Variants in HNF1B observed in about 807,000 individuals in gnomAD.
The protein encoded by HNF1B is HNF1 homeobox B.
HNF1B carries 8 observed loss-of-function variants against 61.7 expected under a neutral mutation model. The ratio of observed to expected loss-of-function variants is 0.13; its 90% confidence interval spans 0.08 to 0.23. HNF1B has a LOEUF of 0.23. Among genes scored for constraint, HNF1B ranks in the 10% least tolerant of loss-of-function variants. The probability of loss-of-function intolerance (pLI) is 1.00; values close to 1 mark genes in which losing one functional copy is unlikely to be tolerated. For synonymous variants in HNF1B, 314 were observed against 287.7 expected (o/e 1.09, Z -0.93); for missense variants, 562 against 714.5 (o/e 0.79, Z 2.43).
chr17:37,703,090 G>A (rs1349743571), intron 6 of HNF1B, among the ~76,000 whole-genome samples: 2 of 152,200 alleles, frequency 1.3e-5, no homozygotes, highest in Non-Finnish European at 2.9e-5. Context: ...CTGAGGCAGG[G>A]CCCATGGTAC....
intron 8 of HNF1B, among the ~76,000 whole-genome samples, chr17:37,698,467 C>A (rs2032458012): frequency 1.3e-5 from 2 of 152,174 alleles, no homozygotes; most frequent in Admixed American, 1.3e-4. Context: ...CTGGATTCCC[C>A]ACTTTCAGTG....
Position 37,744,467 on chromosome 17 carries a change from C to G in HNF1B, c.344+74G>C, listed in dbSNP as rs928757322. The stretch of plus-strand genomic sequence containing the variant: ...AACGGGCTTGGCGAGTGTGGTCGGG[C>G]GCAGTGTCACTCAGGCCCGGGGCCG... On this transcript the variant is annotated intron_variant, in intron 1 of 8. Coordinates refer to ENST00000617811, the MANE Select transcript of HNF1B (RefSeq NM_000458.4). 6 of 1,468,276 alleles carry G rather than the reference C, an allele frequency of 4.1e-6. No homozygotes were observed. The Admixed American group carries it at 8.4e-5, about 21-fold the overall frequency. The allele number at this position is 1,468,276 out of a possible 1,614,324, so 91.0% of individuals were successfully genotyped here. A position where few individuals can be genotyped will look rare whatever the true frequency, so the allele number is the denominator to read the frequency against.
intron 1 of HNF1B, among the ~76,000 whole-genome samples, chr17:37,741,087 C>T (rs2033978323): frequency 6.6e-6 from 1 of 150,710 alleles, no homozygotes; most frequent in Non-Finnish European, 1.5e-5. Flanking sequence ...CTTGATAGAA[C>T]AAGAAAAAAA....
At chr17:37,708,756 TAGG>T (rs1448996263) in intron 5 of HNF1B, among the ~76,000 whole-genome samples, 2 of 151,990 alleles carry the variant, frequency 1.3e-5, no homozygotes, top group East Asian at 3.9e-4. Flanking sequence ...TAGGTGGGAG[TAGG>T]AGAAGAGGGC....
Position 37,686,872 on chromosome 17 carries a change from T to G in HNF1B, c.*500A>C. On this transcript the variant is annotated 3_prime_UTR_variant, in exon 9 of 9. Transcript: ENST00000617811. Reference sequence around the variant, plus strand: ...GGAAATTGCACTTAATTACAGTAGTTTATAGTTTACAGCCATTGGACAAAT... The same window carrying G: ...GGAAATTGCACTTAATTACAGTAGTGTATAGTTTACAGCCATTGGACAAAT... 2 of 291,294 alleles carry G rather than the reference T, an allele frequency of 6.9e-6. No homozygotes were observed. The highest frequency in any genetic ancestry group is 8.3e-5 in the East Asian group (1 of 12,000). The allele number at this position is 291,294 out of a possible 1,614,324, so 18.0% of individuals were successfully genotyped here.
chr17:37,709,075 C>T (rs2032847898), intron 5 of HNF1B, among the ~76,000 whole-genome samples: 1 of 152,082 alleles, frequency 6.6e-6, no homozygotes, highest in South Asian at 2.1e-4. Context: ...GAATCTGCGG[C>T]TCCTCCCTCC....
intron 1 of HNF1B, among the ~76,000 whole-genome samples, chr17:37,743,881 G>C (rs11658063): frequency 0.37 from 56,568 of 152,166 alleles, 10,772 homozygotes; most frequent in Non-Finnish European, 0.39. Flanking sequence ...CACCGCGCTT[G>C]GTTTCTTTGG....
intron 4 of HNF1B, among the ~76,000 whole-genome samples, chr17:37,712,368 C>A (rs1218372927): frequency 1.3e-5 from 2 of 152,028 alleles, no homozygotes; most frequent in Non-Finnish European, 2.9e-5. Flanking sequence ...TGCCCAGGCC[C>A]CTGTCCTCCT....
intron 4 of HNF1B, chr17:37,720,833 G>C (rs538263961): frequency 8.1e-6 from 8 of 985,146 alleles, no homozygotes; most frequent in Admixed American, 1.2e-4. Context: ...TCTTCTTCAC[G>C]GTGAGATTGA....
chr17:37,735,648 C>G (rs570220361), intron 2 of HNF1B, among the ~76,000 whole-genome samples: 3 of 152,294 alleles, frequency 2.0e-5, no homozygotes, highest in Middle Eastern at 3.4e-3. Flanking sequence ...CATTTAGTCT[C>G]CCCAGCTGTG....
intron 2 of HNF1B, among the ~76,000 whole-genome samples, chr17:37,734,882 G>A (rs185847105): frequency 2.7e-5 from 4 of 149,252 alleles, no homozygotes; most frequent in Non-Finnish European, 5.9e-5. Flanking sequence ...TCCGCCTCCC[G>A]GGTTCAAACA....
rs1184886442 is a variant in HNF1B, at chr17:37,733,699, A to G, written c.667T>C (p.Cys223Arg). 4 of 1,614,180 alleles carry G rather than the reference A, an allele frequency of 2.5e-6. No homozygotes were observed. In the South Asian group the frequency reaches 4.4e-5, roughly 18 times the overall value. Residue 223 changes from cysteine (C) to arginine (R), a missense_variant, in exon 3 of 9, where the codon TGC becomes CGC. Physicochemically the swap from Cys to Arg is radical, Grantham distance 180 (BLOSUM62 -3). Transcript: ENST00000617811. The stretch of plus-strand genomic sequence containing the variant: ...ATCTTCTTGTTGGTGGGCTCAGAGC[A>G]GGCATCATCGGACTGCCCAGGCCCA... ...SHGPGQSDDA[C>R]SEPTNKKMRR...
intron 5 of HNF1B, among the ~76,000 whole-genome samples, chr17:37,709,842 A>C (rs956257208): frequency 2.6e-5 from 4 of 152,160 alleles, no homozygotes; most frequent in African/African-American, 9.7e-5. Context: ...TAAGTAGTCG[A>C]GTAACCTGCT....
intron 8 of HNF1B, among the ~76,000 whole-genome samples, chr17:37,692,598 C>T (rs1250776106): frequency 6.8e-6 from 1 of 146,670 alleles, no homozygotes; most frequent in Admixed American, 6.7e-5. Context: ...AACACGGGTT[C>T]TGCATTCATT....
intron 4 of HNF1B, among the ~76,000 whole-genome samples, chr17:37,727,898 G>T (rs2033554186): frequency 6.6e-6 from 1 of 152,126 alleles, no homozygotes; most frequent in Admixed American, 6.5e-5. Context: ...GAGTGGGTGT[G>T]GAGGGATTCG....
At chr17:37,696,516 C>T (rs1598802061) in intron 8 of HNF1B, among the ~76,000 whole-genome samples, 1 of 152,170 alleles carries the variant, frequency 6.6e-6, no homozygotes, top group Non-Finnish European at 1.5e-5. Flanking sequence ...ACTCTCACCA[C>T]GTGATGCACC....
At position 37,701,030 on chromosome 17, in the gene HNF1B, G is replaced by A. The variant is rs1364869569; in HGVS notation, c.1487C>T (p.Ala496Val). 2 of 1,557,288 alleles carry A rather than the reference G, an allele frequency of 1.3e-6. No homozygotes were observed. Among genetic ancestry groups the A allele is most frequent in the Admixed American group, 1.9e-5 (1 of 51,962 alleles). Reference sequence around the variant, plus strand: ...CACAGCTGCCATGAAGGGCTGCTGGGCCATGTGGCTGCCTGGGCTCTGCTG... The same window carrying A: ...CACAGCTGCCATGAAGGGCTGCTGGACCATGTGGCTGCCTGGGCTCTGCTG... ...LMQQSPGSHMAQQPFMAAVTQ... is the reference protein window; with the variant it reads ...LMQQSPGSHMVQQPFMAAVTQ... The change falls in exon 7 of 9, where the codon GCC becomes GTC. Residue 496 changes from alanine to valine, a missense_variant. Physicochemically the swap from Ala to Val is moderately conservative, Grantham distance 64. This residue lies in a region of HNF1B where 64 missense variants were observed against 96.9 expected (regional missense o/e 0.66). Transcript: ENST00000617811.
chr17:37,740,656 A>C (rs1035558521), intron 1 of HNF1B, among the ~76,000 whole-genome samples: 1 of 152,028 alleles, frequency 6.6e-6, no homozygotes, highest in Non-Finnish European at 1.5e-5. Context: ...AAAAATCCAC[A>C]GCTCCACCTT....
intron 2 of HNF1B, among the ~76,000 whole-genome samples, chr17:37,734,972 T>C (rs576909948): frequency 4.3e-4 from 66 of 152,076 alleles, no homozygotes; most frequent in Non-Finnish European, 6.2e-4. Context: ...GTATTTTTAG[T>C]AGAGATGGGG....
Sources: allele counts gnomAD v4.1 joint callset (sites outside exome capture counted in the v4.1 genomes callset), GRCh38; gene constraint gnomAD v4.1.1; regional missense constraint gnomAD v4.1.1; transcripts MANE v1.5; gene names NCBI Gene and HGNC (gene_info 2026-07-23, HGNC 2026-07-21).